IPMK: variants seen among roughly 807,000 people sequenced by gnomAD.
IPMK encodes inositol polyphosphate multikinase.
In IPMK, 17 loss-of-function variants were observed where a neutral mutation model predicts 45.8. The ratio of observed to expected loss-of-function variants is 0.37; its 90% CI spans 0.25 to 0.56. IPMK has a LOEUF of 0.56. Ranked by LOEUF, IPMK falls within the 20% of genes least tolerant of loss-of-function variation. The pLI, the probability that IPMK is intolerant of heterozygous loss-of-function variation, is 0.79. For synonymous variants in IPMK, 180 were observed against 184.3 expected (o/e 0.98, Z 0.19); for missense variants, 399 against 498.0 (o/e 0.80, Z 1.89).
At chr10:58,249,167 T>TTC (rs934187359) in intron 1 of IPMK, among the ~76,000 whole-genome samples, 1 of 152,246 alleles carries the variant, frequency 6.6e-6, no homozygotes, top group African/African-American at 2.4e-5. Flanking sequence ...AGTGTTCTCT[T>TTC]TCTCCACATC....
At chr10:58,212,750 T>G (rs1838184319) in intron 4 of IPMK, 3 of 227,094 alleles carry the variant, frequency 1.3e-5, no homozygotes, top group South Asian at 1.5e-4. Context: ...ATTGTTTTCA[T>G]GTAATCTTTG....
chr10:58,244,249 G>T (rs186315044), intron 1 of IPMK, among the ~76,000 whole-genome samples: 5 of 139,034 alleles, frequency 3.6e-5, no homozygotes, highest in African/African-American at 1.4e-4. Context: ...GCTGCCCTTG[G>T]TCTGGGAGGT....
intron 1 of IPMK, among the ~76,000 whole-genome samples, chr10:58,262,942 C>T (rs990551120): frequency 7.9e-5 from 12 of 152,044 alleles, no homozygotes; most frequent in African/African-American, 2.9e-4. Flanking sequence ...GAAAAAATCA[C>T]AATTTTGTAA....
At position 58,215,808 on chromosome 10, in the gene IPMK, C is replaced by T. The variant is rs191660091; in HGVS notation, c.546+337G>A. ...ACTTTTCTCATGGGAAAATCATAAA[C>T]AATATCACATTTACATTTAATATTT... On this transcript the variant is annotated intron_variant, in intron 4 of 5. Transcript: ENST00000373935. 3.2e-4 allele frequency among the ~76,000 whole-genome samples: 48 copies of T among 152,156 alleles called. No homozygotes were observed. In the East Asian group the frequency reaches 8.3e-3, roughly 26 times the overall value.
chr10:58,203,011 G>A (rs1472183695), intron 4 of IPMK, among the ~76,000 whole-genome samples: 2 of 152,170 alleles, frequency 1.3e-5, no homozygotes, highest in Non-Finnish European at 2.9e-5. Context: ...TTCCTCTGAT[G>A]GACTGGGGCA....
At chr10:58,249,337 C>G (rs1000068568) in intron 1 of IPMK, among the ~76,000 whole-genome samples, 43 of 152,196 alleles carry the variant, frequency 2.8e-4, no homozygotes, top group Admixed American at 2.0e-4. Flanking sequence ...CCTCCCACCC[C>G]AGCCTCCCAG....
In IPMK at chr10:58,216,246, G is replaced by A; in HGVS notation, c.445C>T (p.Gln149Ter). 1 of 1,610,176 alleles carries A rather than the reference G, an allele frequency of 6.2e-7. No homozygotes were observed. Among genetic ancestry groups the A allele is most frequent in the Non-Finnish European group, 8.5e-7 (1 of 1,177,400 alleles). ...KPCIMDVKIGQKSYDPFASSE... is the reference protein window; with the variant it reads ...KPCIMDVKIG ...GAGGCAAAAGGATCATAGCTTTTTT[G>A]CCCTATCTTTACATCCATTATACAG... Residue 149 changes from glutamine to a stop codon, truncating the protein, a stop_gained, in exon 4 of 6, where the codon CAA becomes TAA. Transcript: ENST00000373935. LOFTEE classifies it high-confidence loss of function.
intron 1 of IPMK, among the ~76,000 whole-genome samples, chr10:58,262,310 T>C (rs184761457): frequency 2.6e-5 from 4 of 152,300 alleles, no homozygotes; most frequent in East Asian, 1.9e-4. Context: ...AGTATGGGTG[T>C]AGAAATTCTG....
chr10:58,245,052 A>AT, intron 1 of IPMK, among the ~76,000 whole-genome samples: 1 of 135,660 alleles, frequency 7.4e-6, no homozygotes, highest in East Asian at 2.1e-4. Context: ...TACTAAAAAA[A>AT]AAAAAATAAT....
chr10:58,261,307 G>A (rs1417498374), intron 1 of IPMK, among the ~76,000 whole-genome samples: 1 of 151,550 alleles, frequency 6.6e-6, no homozygotes, highest in South Asian at 2.1e-4. Context: ...AGAAAACAAT[G>A]AAATTGATTA....
intron 1 of IPMK, among the ~76,000 whole-genome samples, chr10:58,259,460 TAATGAATGAATG>T (rs138646652): frequency 6.4e-4 from 96 of 149,838 alleles, no homozygotes; most frequent in Non-Finnish European, 1.0e-3. Flanking sequence ...TCCACCTTAA[TAATGAATGAATG>T]AATGAATGAA....
At chr10:58,211,074 C>T (rs1004664167) in intron 4 of IPMK, among the ~76,000 whole-genome samples, 1 of 152,026 alleles carries the variant, frequency 6.6e-6, no homozygotes, top group Non-Finnish European at 1.5e-5. Context: ...AATAACAAAA[C>T]TGAACTTGAG....
chr10:58,257,591 T>G (rs1838991602), intron 1 of IPMK, among the ~76,000 whole-genome samples: 1 of 152,294 alleles, frequency 6.6e-6, no homozygotes, highest in African/African-American at 2.4e-5. Flanking sequence ...AGGCAATGGC[T>G]GAAATGTTCT....
intron 3 of IPMK, 64 bp downstream of exon 3, chr10:58,226,979 A>C: frequency 4.0e-6 from 4 of 1,005,068 alleles, no homozygotes; most frequent in Non-Finnish European, 4.6e-6. Flanking sequence ...AATTTTACAT[A>C]AGGCCTTTAA....
At chr10:58,202,838 T>A (rs1213869534) in intron 4 of IPMK, among the ~76,000 whole-genome samples, 2 of 152,242 alleles carry the variant, frequency 1.3e-5, no homozygotes, top group Admixed American at 6.5e-5. Context: ...CCTGGTCACC[T>A]AACAAGATTA....
At chr10:58,253,734 CAAAAAAAAA>C (rs1183304261) in intron 1 of IPMK, among the ~76,000 whole-genome samples, 2 of 49,884 alleles carry the variant, frequency 4.0e-5, no homozygotes, top group Non-Finnish European at 7.6e-5. Flanking sequence ...ACTCCATCTC[CAAAAAAAAA>C]AAAAAAAGAA....
intron 3 of IPMK, among the ~76,000 whole-genome samples, chr10:58,218,617 G>C (rs1054455654): frequency 2.6e-5 from 4 of 152,226 alleles, no homozygotes; most frequent in Non-Finnish European, 5.9e-5. Context: ...AATCTTACTG[G>C]GGTCAAGTTG....
chr10:58,210,121 G>C (rs1564529294), intron 4 of IPMK, among the ~76,000 whole-genome samples: 2 of 152,124 alleles, frequency 1.3e-5, no homozygotes, highest in Admixed American at 6.5e-5. Context: ...GTGGGGGATG[G>C]GGGGTGGTTC....
At chr10:58,229,260 T>TA (rs1838468933) in intron 2 of IPMK, among the ~76,000 whole-genome samples, 1 of 152,004 alleles carries the variant, frequency 6.6e-6, no homozygotes, top group Non-Finnish European at 1.5e-5. Context: ...AATTTGTATT[T>TA]AAAAAATAAT....
Sources: allele counts gnomAD v4.1 joint callset (sites outside exome capture counted in the v4.1 genomes callset), GRCh38; gene constraint gnomAD v4.1.1; transcripts MANE v1.5; gene names NCBI Gene and HGNC (gene_info 2026-07-23, HGNC 2026-07-21).